TMBIM6: variants seen among roughly 807,000 people sequenced by gnomAD.
TMBIM6 encodes the protein transmembrane BAX inhibitor motif containing 6.
TMBIM6 carries 13 observed loss-of-function variants against 31.4 expected under a neutral mutation model. The ratio of observed to expected loss-of-function variants is 0.41; its 90% confidence interval spans 0.27 to 0.66. The LOEUF (loss-of-function observed/expected upper bound fraction) is 0.66. Ranked by LOEUF, TMBIM6 falls within the 30% of genes least tolerant of loss-of-function variation. The pLI is 0.28. For missense variants in TMBIM6, 275 were observed against 289.5 expected, an observed-to-expected ratio of 0.95 and a Z score of 0.36; for synonymous variants, 85 against 101.7, an observed-to-expected ratio of 0.84 and a Z score of 0.99.
At chr12:49,759,797 C>T (rs760378097) in intron 8 of TMBIM6, among the ~76,000 whole-genome samples, 1 of 137,536 alleles carries the variant, frequency 7.3e-6, no homozygotes, top group Non-Finnish European at 1.5e-5. Flanking sequence ...CAGAGCGAGA[C>T]CCTGTCTCAA....
At position 49,741,893 on chromosome 12, in the gene TMBIM6, G is replaced by A. The variant is rs1945301228; in HGVS notation, c.-31+282G>A. The A allele has an allele frequency of 2.2e-5, 13 of 582,338 alleles. No individual in the cohort carries two copies. In the South Asian group the frequency reaches 2.6e-4, roughly 12 times the overall value. 36.1% of individuals were successfully genotyped at this position (582,338 alleles called of 1,614,324 possible). A position where few individuals can be genotyped will look rare whatever the true frequency, so the allele number is the denominator to read the frequency against. On this transcript the variant is annotated intron_variant, in intron 1 of 9. Transcript: ENST00000267115. ...GGCCTCTATTCTGCCCCAGAGCGCT[G>A]GCGAAGGCCCCTTCTCAGCCCGCCT...
chr12:49,760,049 T>C (rs374663435), intron 8 of TMBIM6, among the ~76,000 whole-genome samples: 2 of 149,658 alleles, frequency 1.3e-5, no homozygotes, highest in South Asian at 2.1e-4. Context: ...GAGGCGGAGC[T>C]TGCAGTGAGC....
chr12:49,754,925 CTTGGTGTT>C (rs1261347848), intron 3 of TMBIM6, among the ~76,000 whole-genome samples: 1 of 151,996 alleles, frequency 6.6e-6, no homozygotes. Flanking sequence ...ATGTATGTGT[CTTGGTGTT>C]TTGGTGTTTG....
intron 1 of TMBIM6, among the ~76,000 whole-genome samples, chr12:49,745,741 C>G (rs1173515427): frequency 8.3e-6 from 1 of 120,614 alleles, no homozygotes; most frequent in African/African-American, 4.3e-5. Context: ...AAAAACCCAG[C>G]ACATTTAGAA....
intron 1 of TMBIM6, among the ~76,000 whole-genome samples, chr12:49,752,205 G>T (rs1945506493): frequency 1.3e-5 from 2 of 152,122 alleles, no homozygotes; most frequent in South Asian, 2.1e-4. Flanking sequence ...TCACCTGAAA[G>T]AATAGAAATC....
At chr12:49,753,217 A>T (rs1369655704) in intron 3 of TMBIM6, 136 bp downstream of exon 3, 1 of 635,938 alleles carries the variant, frequency 1.6e-6, no homozygotes, top group Non-Finnish European at 2.6e-6. Flanking sequence ...TCAGACATTA[A>T]ATCAGGACAT....
chr12:49,760,105 CCTT>C (rs1055175053), intron 8 of TMBIM6, among the ~76,000 whole-genome samples: 8 of 135,630 alleles, frequency 5.9e-5, no homozygotes, highest in South Asian at 2.3e-4. Flanking sequence ...GAGCGAGACT[CCTT>C]CTCAAAAAAA....
At chr12:49,746,770 C>CAGA (rs200550544) in intron 1 of TMBIM6, among the ~76,000 whole-genome samples, 2,533 of 151,956 alleles carry the variant, frequency 0.017, 24 homozygotes, top group South Asian at 0.024. Flanking sequence ...GCCAAAAACA[C>CAGA]AGAAGAAGAA....
In TMBIM6 at chr12:49,758,485, G is replaced by A. The variant is rs372166720; in HGVS notation, c.433+5G>A. On this transcript the variant is annotated splice_donor_5th_base_variant and intron_variant, in intron 6 of 9. Transcript: ENST00000267115. ...GTAGCTACCTCTTTCTGGGAGGTAA[G>A]TGTGAACTGGGAAACAGGGAATGGG... The A allele has an allele frequency of 6.8e-6, 11 of 1,613,680 alleles. No individual in the cohort carries two copies. Among genetic ancestry groups the A allele is most frequent in the African/African-American group, 1.3e-5 (1 of 74,914 alleles).
In TMBIM6 at chr12:49,753,057, C is replaced by G. The variant is rs1945524633; in HGVS notation, c.141C>G (p.Val47=). Residue 47 remains valine, a synonymous_variant, in exon 3 of 10, where the codon GTC becomes GTG. Coordinates refer to ENST00000267115, the MANE Select transcript of TMBIM6 (RefSeq NM_003217.3). ...TTGTGGCGGCTGCAGGGGCCTATGT[C>G]CATATGGTCACTCATTTCATTCAGG... ...CMFVAAAGAY[V]HMVTHFIQAG... 2.5e-6 allele frequency: 4 copies of G among 1,613,884 alleles called. No individual in the cohort carries two copies. The highest frequency in any genetic ancestry group is 3.4e-6 in the Non-Finnish European group (4 of 1,179,928).
At chr12:49,757,541 A>G (rs930974335) in intron 4 of TMBIM6, among the ~76,000 whole-genome samples, 2 of 152,264 alleles carry the variant, frequency 1.3e-5, no homozygotes, top group African/African-American at 2.4e-5. Flanking sequence ...GACTCAAGCT[A>G]TGTAATAAAA....
intron 8 of TMBIM6, among the ~76,000 whole-genome samples, chr12:49,760,160 T>C (rs979274850): frequency 6.7e-6 from 1 of 149,516 alleles, no homozygotes; most frequent in Admixed American, 6.7e-5. Context: ...TATTTACATA[T>C]CCATAGTGGC....
intron 1 of TMBIM6, chr12:49,741,989 C>G (rs1207452099): frequency 1.3e-5 from 16 of 1,221,398 alleles, no homozygotes; most frequent in Non-Finnish European, 1.8e-5. Flanking sequence ...TTCGATCGTT[C>G]GAATTCAGAG....
chr12:49,756,994 A>G (rs1027048819), intron 4 of TMBIM6, among the ~76,000 whole-genome samples: 1 of 151,930 alleles, frequency 6.6e-6, no homozygotes, highest in Non-Finnish European at 1.5e-5. Flanking sequence ...GGCCTCCCAA[A>G]GTGCTGGGAT....
chr12:49,745,884 A>AT (rs1945383240), intron 1 of TMBIM6, among the ~76,000 whole-genome samples: 1 of 152,154 alleles, frequency 6.6e-6, no homozygotes, highest in Non-Finnish European at 1.5e-5. Flanking sequence ...TTCTGGGCAC[A>AT]TTTAAGGTAA....
At chr12:49,749,991 A>C (rs1216366617) in intron 1 of TMBIM6, 1 of 152,176 alleles carries the variant, frequency 6.6e-6, no homozygotes, top group Non-Finnish European at 1.5e-5. Context: ...CTGATATTGA[A>C]AAACAGAAGT....
At chr12:49,742,358 G>T (rs1945312886) in intron 1 of TMBIM6, 1 of 1,496,680 alleles carries the variant, frequency 6.7e-7, no homozygotes, top group East Asian at 2.4e-5. Context: ...GCGTCGTTGG[G>T]CAGTTTTTAT....
At chr12:49,753,288 C>T (rs924217333) in intron 3 of TMBIM6, among the ~76,000 whole-genome samples, 1 of 152,178 alleles carries the variant, frequency 6.6e-6, no homozygotes, top group Non-Finnish European at 1.5e-5. Context: ...AACAGAATGC[C>T]TTAACCTTGG....
Position 49,755,671 on chromosome 12 carries a change from A to G in TMBIM6, c.202A>G (p.Met68Val), listed in dbSNP as rs1945576172. The G allele has an allele frequency of 2.5e-6, 4 of 1,614,026 alleles. No homozygotes were observed. The highest frequency in any genetic ancestry group is 1.7e-5 in the Admixed American group (1 of 60,004). Reference sequence around the variant, plus strand: ...GTCTGCCTTGGGCTCCCTGATATTGATGATTTGGCTGATGGCAACACCTCA... The same window carrying G: ...GTCTGCCTTGGGCTCCCTGATATTGGTGATTTGGCTGATGGCAACACCTCA... Reference protein sequence around the residue: ...LLSALGSLILMIWLMATPHSH... With the variant: ...LLSALGSLILVIWLMATPHSH... The change falls in exon 4 of 10, where the codon ATG becomes GTG. Residue 68 changes from methionine to valine, a missense_variant. Coordinates refer to ENST00000267115, the MANE Select transcript of TMBIM6 (RefSeq NM_003217.3).
Sources: allele counts gnomAD v4.1 joint callset (sites outside exome capture counted in the v4.1 genomes callset), GRCh38; gene constraint gnomAD v4.1.1; transcripts MANE v1.5; gene names NCBI Gene and HGNC (gene_info 2026-07-23, HGNC 2026-07-21).